The following EXOC6B variants were observed in gnomAD, a reference collection of about 807,000 sequenced individuals.
The protein encoded by EXOC6B is SEC15 homolog B.
EXOC6B carries 54 observed loss-of-function variants against 113.5 expected under a neutral mutation model. The ratio of observed to expected loss-of-function variants is 0.48; its 90% CI spans 0.38 to 0.60. The LOEUF (loss-of-function observed/expected upper bound fraction) is 0.60, where lower values mean the gene tolerates loss of function less well. Ranked by LOEUF, EXOC6B falls within the 20% of genes least tolerant of loss-of-function variation. The pLI is 0.00. For synonymous variants in EXOC6B, 357 were observed against 339.0 expected, an observed-to-expected ratio of 1.05 and a Z score of -0.58; for missense variants, 797 against 977.5, an observed-to-expected ratio of 0.82 and a Z score of 2.46.
chr2:72,367,381 G>C (rs1261133583), intron 19 of EXOC6B, among the ~76,000 whole-genome samples: 1 of 151,604 alleles, frequency 6.6e-6, no homozygotes, highest in African/African-American at 2.4e-5. Context: ...GTATGAAAAA[G>C]GAAATATAAA....
chr2:72,411,520 G>C (rs1160630532), intron 18 of EXOC6B, among the ~76,000 whole-genome samples: 1 of 152,182 alleles, frequency 6.6e-6, no homozygotes, highest in African/African-American at 2.4e-5. Flanking sequence ...TTATTGAAAA[G>C]GGAGGAGATT....
chr2:72,618,358 A>G (rs1019716009), intron 6 of EXOC6B, among the ~76,000 whole-genome samples: 1 of 152,112 alleles, frequency 6.6e-6, no homozygotes, highest in African/African-American at 2.4e-5. Context: ...GACGAGAGTG[A>G]AACTCCATCT....
chr2:72,199,030 A>T (rs1679334782), intron 20 of EXOC6B, among the ~76,000 whole-genome samples: 1 of 152,186 alleles, frequency 6.6e-6, no homozygotes, highest in Non-Finnish European at 1.5e-5. Flanking sequence ...ACTCAATGAG[A>T]TTCCAGGAAG....
rs41414 is a variant in EXOC6B at position 72,178,698 on chromosome 2, A to T, written c.*637T>A. On this transcript the variant is annotated 3_prime_UTR_variant, in exon 22 of 22. Transcript: ENST00000272427. ...TTAGCTGTATCCTGCCCTAGAAAAA[A>T]TTGCAATAAAAGCCTGGGGTTAGAT... The T allele has an allele frequency of 0.33, 49,559 of 151,850 alleles. 9,040 individuals are homozygous for T. The highest frequency in any genetic ancestry group is 0.48 in the African/African-American group (19,805 of 41,336). The allele number at this position is 151,850 out of a possible 1,614,324, so 9.4% of individuals were successfully genotyped here.
chr2:72,605,553 T>A (rs1234556215), intron 6 of EXOC6B, among the ~76,000 whole-genome samples: 2 of 152,212 alleles, frequency 1.3e-5, no homozygotes, highest in East Asian at 1.9e-4. Context: ...CAAATTATTA[T>A]CTTTGCATTT....
intron 20 of EXOC6B, among the ~76,000 whole-genome samples, chr2:72,184,390 C>A (rs1158023451): frequency 6.6e-6 from 1 of 152,138 alleles, no homozygotes; most frequent in African/African-American, 2.4e-5. Flanking sequence ...CTTATCTCTG[C>A]CATAAGCAGT....
intron 20 of EXOC6B, among the ~76,000 whole-genome samples, chr2:72,331,974 C>T (rs1688439134): frequency 6.6e-6 from 1 of 151,988 alleles, no homozygotes; most frequent in African/African-American, 2.4e-5. Context: ...ATCAAATATT[C>T]CACATTTTGA....
At chr2:72,633,636 A>G (rs1379301993) in intron 6 of EXOC6B, among the ~76,000 whole-genome samples, 3 of 152,230 alleles carry the variant, frequency 2.0e-5, no homozygotes, top group Non-Finnish European at 2.9e-5. Flanking sequence ...TTATCTAAAC[A>G]TTAAATTAGC....
intron 6 of EXOC6B, among the ~76,000 whole-genome samples, chr2:72,581,601 T>C (rs374274189): frequency 6.6e-6 from 1 of 152,190 alleles, no homozygotes; most frequent in African/African-American, 2.4e-5. Flanking sequence ...GTTCTCATAG[T>C]TACCCGAGGC....
At chr2:72,715,906 T>A (rs1043530899) in intron 6 of EXOC6B, among the ~76,000 whole-genome samples, 3 of 152,124 alleles carry the variant, frequency 2.0e-5, no homozygotes, top group Non-Finnish European at 4.4e-5. Flanking sequence ...GCCATTGGAC[T>A]GTTGCCCCCT....
intron 5 of EXOC6B, chr2:72,722,004 G>T: frequency 1.5e-5 from 2 of 134,874 alleles, no homozygotes; most frequent in African/African-American, 5.6e-5. Flanking sequence ...TGCTCTAATT[G>T]AAAAAAAAAA....
intron 6 of EXOC6B, among the ~76,000 whole-genome samples, chr2:72,600,731 A>C (rs1255726374): frequency 6.6e-6 from 1 of 152,166 alleles, no homozygotes; most frequent in Non-Finnish European, 1.5e-5. Context: ...AATGTAAAAC[A>C]CAAAAATATA....
chr2:72,644,493 C>T (rs1274387399), intron 6 of EXOC6B, among the ~76,000 whole-genome samples: 1 of 152,126 alleles, frequency 6.6e-6, no homozygotes, highest in African/African-American at 2.4e-5. Context: ...TTGTCAGATT[C>T]ACCAAAGTTG....
intron 1 of EXOC6B, among the ~76,000 whole-genome samples, chr2:72,792,146 A>C (rs1684704956): frequency 6.6e-6 from 1 of 152,228 alleles, no homozygotes; most frequent in African/African-American, 2.4e-5. Context: ...TTCTGAATAC[A>C]GACTAAGAAC....
chr2:72,807,141 T>C (rs1365234181), intron 1 of EXOC6B, among the ~76,000 whole-genome samples: 1 of 152,216 alleles, frequency 6.6e-6, no homozygotes, highest in Non-Finnish European at 1.5e-5. Flanking sequence ...TTCCAGAGTT[T>C]TCATAGCTTT....
chr2:72,765,090 A>C (rs987159530), intron 1 of EXOC6B, among the ~76,000 whole-genome samples: 17 of 1,600 alleles, frequency 0.011, no homozygotes, highest in African/African-American at 0.038. Flanking sequence ...CCATCACTAC[A>C]AAAAAAAAGG....
At chr2:72,743,563 T>C (rs911525987) in intron 1 of EXOC6B, among the ~76,000 whole-genome samples, 3 of 152,102 alleles carry the variant, frequency 2.0e-5, no homozygotes, top group Non-Finnish European at 2.9e-5. Context: ...TCACCGTCCA[T>C]GATATGTTGT....
intron 8 of EXOC6B, among the ~76,000 whole-genome samples, chr2:72,533,302 G>A (rs1202006876): frequency 6.6e-6 from 1 of 152,136 alleles, no homozygotes; most frequent in Non-Finnish European, 1.5e-5. Flanking sequence ...CTCCCCTCCT[G>A]ATTTTCCCAA....
rs552577021 is a variant in EXOC6B, at chr2:72,567,376, T to C, written c.847-7855A>G. The stretch of plus-strand genomic sequence containing the variant: ...TTCTGCAACTATTTTCTGGGTATTA[T>C]ATAATTATCCAAAAGATTAAATATG... On this transcript the variant is annotated intron_variant, in intron 7 of 21. Coordinates refer to ENST00000272427, the MANE Select transcript of EXOC6B (RefSeq NM_015189.3). 2.6e-5 allele frequency among the ~76,000 whole-genome samples: 4 copies of C among 152,040 alleles called. No homozygotes were observed. In the South Asian group the frequency reaches 6.2e-4, roughly 24 times the overall value.
Sources: allele counts gnomAD v4.1 joint callset (sites outside exome capture counted in the v4.1 genomes callset), GRCh38; gene constraint gnomAD v4.1.1; transcripts MANE v1.5; gene names NCBI Gene and HGNC (gene_info 2026-07-23, HGNC 2026-07-21).